TTBK2: variants seen among roughly 807,000 people sequenced by gnomAD.
The protein encoded by TTBK2 is tau-tubulin kinase 2.
In TTBK2, 28 loss-of-function variants were observed where a neutral mutation model predicts 110.8. That is an observed-to-expected ratio of 0.25 (90% CI 0.19 to 0.35). TTBK2 has a LOEUF of 0.35. TTBK2 is among the 10% of genes least tolerant of loss of function. The probability of loss-of-function intolerance (pLI) is 1.00; values close to 1 mark genes in which losing one functional copy is unlikely to be tolerated. For synonymous variants in TTBK2, 532 were observed against 527.3 expected, an observed-to-expected ratio of 1.01 and a Z score of -0.12; for missense variants, 1,369 against 1,500.3, an observed-to-expected ratio of 0.91 and a Z score of 1.45.
rs1318101535 is a variant in TTBK2, at chr15:42,743,684, C to G, written c.*2111G>C. 1.3e-5 allele frequency: 2 copies of G among 152,200 alleles called. No homozygotes were observed. Among genetic ancestry groups the G allele is most frequent in the African/African-American group, 4.8e-5 (2 of 41,458 alleles). 9.4% of individuals were successfully genotyped at this position (152,200 alleles called of 1,614,324 possible). A position where few individuals can be genotyped will look rare whatever the true frequency, so the allele number is the denominator to read the frequency against. Reference sequence around the variant, plus strand: ...ACTATGTGATTAACATGACAAATCTCTGAACCAGTATTACAAGCATGTCCC... The same window carrying G: ...ACTATGTGATTAACATGACAAATCTGTGAACCAGTATTACAAGCATGTCCC... On this transcript the variant is annotated 3_prime_UTR_variant, in exon 15 of 15. Coordinates refer to ENST00000267890, the MANE Select transcript of TTBK2 (RefSeq NM_173500.4).
At chr15:42,860,596 A>AC (rs1894115100) in intron 3 of TTBK2, among the ~76,000 whole-genome samples, 2 of 146,062 alleles carry the variant, frequency 1.4e-5, no homozygotes, top group Non-Finnish European at 3.0e-5. Context: ...CAATAGTGAG[A>AC]CCCCATCTCC....
chr15:42,887,656 G>A (rs1484746431), intron 1 of TTBK2, among the ~76,000 whole-genome samples: 3 of 152,084 alleles, frequency 2.0e-5, no homozygotes, highest in Non-Finnish European at 4.4e-5. Flanking sequence ...ACCCTGTGGT[G>A]CCAAACCCAT....
chr15:42,761,744 T>C (rs953281609), intron 13 of TTBK2, among the ~76,000 whole-genome samples: 26 of 152,184 alleles, frequency 1.7e-4, no homozygotes, highest in African/African-American at 6.3e-4. Context: ...CACAATGAGA[T>C]ATTGTATCAC....
chr15:42,853,377 T>C (rs942735545), intron 3 of TTBK2, among the ~76,000 whole-genome samples: 2 of 152,184 alleles, frequency 1.3e-5, no homozygotes, highest in Non-Finnish European at 2.9e-5. Flanking sequence ...TTCCCAAATA[T>C]CTCAACTGAG....
rs116853892 is a variant in TTBK2, at chr15:42,745,212, T to A, written c.*583A>T. ...TTGAATCAGACGAGACATACAAAAT[T>A]TTAAAAAAAAATCTGAACTCCAGGG... On this transcript the variant is annotated 3_prime_UTR_variant, in exon 15 of 15. Transcript: ENST00000267890. 4,842 of 156,920 alleles carry A rather than the reference T, an allele frequency of 0.031. 115 individuals carry two copies. Among genetic ancestry groups the A allele is most frequent in the South Asian group, 0.099 (513 of 5,170 alleles). 9.7% of individuals were successfully genotyped at this position (156,920 alleles called of 1,614,324 possible).
At chr15:42,802,472 G>A (rs1891265661) in intron 9 of TTBK2, 2 of 633,138 alleles carry the variant, frequency 3.2e-6, no homozygotes, top group Non-Finnish European at 5.8e-6. Context: ...TTCTTGGTCT[G>A]CACACAGTCT....
chr15:42,763,050 C>A (rs1469458659), intron 13 of TTBK2, among the ~76,000 whole-genome samples: 4 of 136,256 alleles, frequency 2.9e-5, no homozygotes, highest in East Asian at 2.3e-4. Context: ...TTCTAGTGTT[C>A]CATAGCACTA....
At chr15:42,900,614 C>CG (rs36084630) in intron 1 of TTBK2, among the ~76,000 whole-genome samples, 1 of 151,912 alleles carries the variant, frequency 6.6e-6, no homozygotes, top group African/African-American at 2.4e-5. Flanking sequence ...CCCAGCTACT[C>CG]GGGAGACTGA....
At chr15:42,890,000 G>A (rs1313831135) in intron 1 of TTBK2, among the ~76,000 whole-genome samples, 1 of 152,184 alleles carries the variant, frequency 6.6e-6, no homozygotes, top group Non-Finnish European at 1.5e-5. Flanking sequence ...CATATCTCCT[G>A]TGACCTGCAC....
intron 13 of TTBK2, among the ~76,000 whole-genome samples, chr15:42,763,148 A>G: frequency 1.6e-5 from 1 of 62,038 alleles, no homozygotes; most frequent in African/African-American, 1.2e-4. Context: ...ACATACATAT[A>G]TATATATACA....
intron 4 of TTBK2, among the ~76,000 whole-genome samples, chr15:42,836,557 T>C (rs1356866695): frequency 5.3e-5 from 8 of 152,204 alleles, no homozygotes. Context: ...ATGGAAAAGT[T>C]CTTAGACAAA....
chr15:42,859,007 G>A (rs916438332), intron 3 of TTBK2, among the ~76,000 whole-genome samples: 3 of 152,130 alleles, frequency 2.0e-5, no homozygotes, highest in Non-Finnish European at 4.4e-5. Context: ...ACAGCATTCT[G>A]TTCTTCCTAA....
chr15:42,752,652 C>T lies in TTBK2; in HGVS notation c.2594G>A (p.Gly865Asp). Residue 865 changes from glycine to aspartate, a missense_variant, in exon 14 of 15, where the codon GGT becomes GAT. Gly to Asp is a moderately conservative substitution (Grantham distance 94, BLOSUM62 -1). Transcript: ENST00000267890. ...CATTTCTGCCACTTGGCCTATCTGA[C>T]CTTCAACATGTGGGTCAATGTCTCT... ...SSRDIDPHVE[G>D]QIGQVAEMQK... 6.2e-7 allele frequency: 1 copy of T among 1,614,126 alleles called. No homozygotes were observed. Among genetic ancestry groups the T allele is most frequent in the Non-Finnish European group, 8.5e-7 (1 of 1,180,030 alleles).
intron 3 of TTBK2, among the ~76,000 whole-genome samples, chr15:42,870,982 T>A (rs566731069): frequency 6.6e-6 from 1 of 152,126 alleles, no homozygotes; most frequent in Admixed American, 6.5e-5. Flanking sequence ...AGCCTTTTCA[T>A]TGGGATCATT....
intron 10 of TTBK2, among the ~76,000 whole-genome samples, chr15:42,784,949 A>G (rs1286765522): frequency 1.3e-5 from 2 of 152,084 alleles, no homozygotes; most frequent in Non-Finnish European, 2.9e-5. Flanking sequence ...TATGTGCCCC[A>G]AGTACTTTCT....
chr15:42,805,510 T>C (rs1318439527), intron 9 of TTBK2, among the ~76,000 whole-genome samples: 1 of 152,156 alleles, frequency 6.6e-6, no homozygotes, highest in African/African-American at 2.4e-5. Flanking sequence ...GCTGGTAGTC[T>C]CATCTGACTG....
intron 1 of TTBK2, among the ~76,000 whole-genome samples, chr15:42,890,665 T>C (rs769945353): frequency 2.6e-5 from 4 of 152,190 alleles, no homozygotes; most frequent in Non-Finnish European, 5.9e-5. Flanking sequence ...CTGGCAGTGC[T>C]TGGAATTTCC....
In TTBK2 at chr15:42,758,927, AG is replaced by A. The variant is rs148776340; in HGVS notation, c.1999-5681del. ...TCACACAGCTGCTTTGCTCCAGATT[AG>A]GAGAACAAGGTAAGCATTCCCACCC... On this transcript the variant is annotated intron_variant, in intron 13 of 14. Transcript: ENST00000267890. Among the ~76,000 whole-genome samples the A allele has an allele frequency of 8.8e-3, 1,339 of 152,314 alleles. 21 individuals are homozygous for A. The highest frequency in any genetic ancestry group is 0.031 in the African/African-American group (1,270 of 41,572).
chr15:42,763,047 G>T (rs1013847629), intron 13 of TTBK2, among the ~76,000 whole-genome samples: 1 of 140,564 alleles, frequency 7.1e-6, no homozygotes, highest in African/African-American at 2.7e-5. Flanking sequence ...AACTTCTAGT[G>T]TTCCATAGCA....
Sources: gnomAD v4.1 joint callset for allele counts (sites outside exome capture counted in the v4.1 genomes callset) on GRCh38, gnomAD v4.1.1 for gene constraint, MANE v1.5 for transcripts, NCBI Gene and HGNC (gene_info 2026-07-23, HGNC 2026-07-21) for gene names.